SMARCA1: variants seen among roughly 807,000 people sequenced by gnomAD.
The protein encoded by SMARCA1 is SWI/SNF-related matrix-associated actin-dependent regulator of chromatin subfamily A member 1.
In SMARCA1, 17 loss-of-function variants were observed where a neutral mutation model predicts 93.6. The observed-to-expected ratio is 0.18, with a 90% CI of 0.12 to 0.27. The LOEUF is 0.27. Among genes scored for constraint, SMARCA1 ranks in the 10% least tolerant of loss-of-function variants. The pLI is 1.00. For missense variants in SMARCA1, 630 were observed against 819.0 expected, an observed-to-expected ratio of 0.77 and a Z score of 2.82; for synonymous variants, 271 against 271.4, an observed-to-expected ratio of 1.00 and a Z score of 0.01.
intron 15 of SMARCA1, 79 bp downstream of exon 15, chrX:129,489,981 T>A: frequency 1.3e-6 from 1 of 776,795 alleles, no homozygotes; most frequent in Non-Finnish European, 1.8e-6. Flanking sequence ...TGGTCAACTT[T>A]TATTAAAAGT....
intron 21 of SMARCA1, among the ~76,000 whole-genome samples, chrX:129,467,016 G>A (rs1388222749): frequency 1.8e-5 from 2 of 111,716 alleles, no homozygotes; most frequent in Non-Finnish European, 3.8e-5. Context: ...TTCATTTTTA[G>A]AGCCTATCAA....
At chrX:129,517,948 T>A (rs1479736429) in intron 2 of SMARCA1, among the ~76,000 whole-genome samples, 1 of 111,565 alleles carries the variant, frequency 9.0e-6, no homozygotes, top group Non-Finnish European at 1.9e-5. Flanking sequence ...TTTATTCATA[T>A]GTCCAAAGAA....
chrX:129,486,688 A>C (rs1451996933), intron 17 of SMARCA1, among the ~76,000 whole-genome samples: 3 of 110,854 alleles, frequency 2.7e-5, no homozygotes, highest in African/African-American at 9.9e-5. Context: ...ATTAGTGACA[A>C]GAGTTGAGAT....
chrX:129,487,669 T>G (rs1311524723), intron 16 of SMARCA1, among the ~76,000 whole-genome samples: 1 of 112,218 alleles, frequency 8.9e-6, no homozygotes, highest in Non-Finnish European at 1.9e-5. Flanking sequence ...AACCTAGTCT[T>G]TTCATCAAAT....
At chrX:129,515,854 T>A in intron 4 of SMARCA1, 40 bp downstream of exon 4, 1 of 1,160,518 alleles carries the variant, frequency 8.6e-7, no homozygotes, top group Non-Finnish European at 1.2e-6. Context: ...TTTCTAAAAC[T>A]AAATTGAAAA....
chrX:129,478,017 G>A (rs12850442), intron 19 of SMARCA1, among the ~76,000 whole-genome samples: 10,702 of 110,918 alleles, frequency 0.096, 501 homozygotes, highest in East Asian at 0.36. Flanking sequence ...CTTTGCATAT[G>A]AGGTGCCACC....
intron 20 of SMARCA1, among the ~76,000 whole-genome samples, chrX:129,469,560 G>C (rs941836810): frequency 9.0e-6 from 1 of 111,629 alleles, no homozygotes; most frequent in African/African-American, 3.3e-5. Flanking sequence ...TCCACTCCTC[G>C]AGCCCCAACT....
chrX:129,505,997 C>A, intron 8 of SMARCA1, 83 bp downstream of exon 8: 2 of 747,403 alleles, frequency 2.7e-6, no homozygotes, highest in Non-Finnish European at 3.8e-6. Flanking sequence ...TAAAAAGTAC[C>A]ATAAATTTCA....
rs911037597 is a variant in SMARCA1 at position 129,516,255 on chromosome X, G to A, written c.428+76C>T. The A allele has an allele frequency of 1.3e-5, 12 of 954,963 alleles. No homozygotes were observed. In the Admixed American group the frequency reaches 1.6e-4, roughly 13 times the overall value. The allele number at this position is 954,963 out of a possible 1,213,427, so 78.7% of individuals were successfully genotyped here. A position where few individuals can be genotyped will look rare whatever the true frequency, so the allele number is the denominator to read the frequency against. ...AACAATGAAGAGCGAAGGGGTGCAT[G>A]AAGGGATCAAGGGAGGACAGGAGGA... On this transcript the variant is annotated intron_variant, in intron 3 of 24. Coordinates refer to ENST00000371121, the MANE Select transcript of SMARCA1 (RefSeq NM_001282874.2).
intron 6 of SMARCA1, among the ~76,000 whole-genome samples, chrX:129,510,489 G>A (rs902903049): frequency 2.7e-5 from 3 of 111,895 alleles, no homozygotes; most frequent in Non-Finnish European, 3.8e-5. Context: ...GATCGCTTGA[G>A]CCCAGGAGTT....
At chrX:129,494,701 C>T (rs1934255681) in intron 12 of SMARCA1, among the ~76,000 whole-genome samples, 2 of 111,698 alleles carry the variant, frequency 1.8e-5, no homozygotes, top group Admixed American at 1.9e-4. Context: ...CCGTTTAAAA[C>T]TGTGCTCATA....
intron 1 of SMARCA1, among the ~76,000 whole-genome samples, chrX:129,519,639 T>C (rs999892436): frequency 8.9e-6 from 1 of 111,743 alleles, no homozygotes; most frequent in Non-Finnish European, 1.9e-5. Context: ...ATAATAACCA[T>C]CTTGATTTAC....
At chrX:129,498,974 A>G (rs1419783463) in intron 10 of SMARCA1, among the ~76,000 whole-genome samples, 1 of 111,482 alleles carries the variant, frequency 9.0e-6, no homozygotes, top group Admixed American at 9.5e-5. Flanking sequence ...TAATATCCAC[A>G]ATCACCAACA....
At chrX:129,463,203 G>T (rs1424369303) in intron 23 of SMARCA1, among the ~76,000 whole-genome samples, 1 of 111,578 alleles carries the variant, frequency 9.0e-6, no homozygotes, top group African/African-American at 3.3e-5. Flanking sequence ...ACAAATGCAG[G>T]TAGGCATTTG....
rs764171850 is a variant in SMARCA1, at chrX:129,499,817, G to A, written c.1192C>T (p.Arg398Cys). The A allele has an allele frequency of 4.3e-6, 5 of 1,150,649 alleles. No homozygotes were observed. Among genetic ancestry groups the A allele is most frequent in the Admixed American group, 4.5e-5 (2 of 44,441 alleles). 94.8% of individuals were successfully genotyped at this position (1,150,649 alleles called of 1,213,427 possible). A position where few individuals can be genotyped will look rare whatever the true frequency, so the allele number is the denominator to read the frequency against. Residue 398 changes from arginine (R) to cysteine (C), a missense_variant, in exon 10 of 25, where the codon CGT becomes TGT. By Grantham distance (180) the Arg-to-Cys change is radical. Coordinates refer to ENST00000371121, the MANE Select transcript of SMARCA1 (RefSeq NM_001282874.2). ...HAVLKPFLLR[R>C]IKTDVEKSLP... ...CTCTTCTCTACATCAGTTTTTATACGGCGTAACAAAAATGGTTTTAAAACC... is the reference window on the plus strand; with the variant it reads ...CTCTTCTCTACATCAGTTTTTATACAGCGTAACAAAAATGGTTTTAAAACC...
chrX:129,448,208 T>C, intron 24 of SMARCA1, 125 bp downstream of exon 24: 1 of 654,564 alleles, frequency 1.5e-6, no homozygotes, highest in South Asian at 2.9e-5. Flanking sequence ...CCAAAACAAA[T>C]TAGCATTTCA....
chrX:129,512,613 C>G (rs1165043796), intron 5 of SMARCA1, among the ~76,000 whole-genome samples: 1 of 111,831 alleles, frequency 8.9e-6, no homozygotes, highest in Admixed American at 9.6e-5. Context: ...AGAAAGGGAA[C>G]TAAGTCCTTT....
chrX:129,516,362 C>T lies in SMARCA1; in HGVS notation c.397G>A (p.Asp133Asn), dbSNP rs1421002841. ...GCAGAAATTAAGCTCTGCTTTTCAT[C>T]TTTCTTTATTCGGGGACGTCCCAAT... is the stretch of plus-strand genomic sequence containing the variant. ...MKLGRPRIKK[D>N]EKQSLISAGD... The change falls in exon 3 of 25, where the codon GAT becomes AAT. Residue 133 changes from aspartate to asparagine, a missense_variant. Coordinates refer to ENST00000371121, the MANE Select transcript of SMARCA1 (RefSeq NM_001282874.2). The T allele has an allele frequency of 5.0e-6, 6 of 1,209,975 alleles. No individual in the cohort carries two copies. The highest frequency in any genetic ancestry group is 2.2e-5 in the Admixed American group (1 of 45,874).
chrX:129,490,515 A>C (rs1439296460), intron 14 of SMARCA1, among the ~76,000 whole-genome samples: 1 of 112,274 alleles, frequency 8.9e-6, no homozygotes, highest in Admixed American at 9.4e-5. Flanking sequence ...GAAACTAGCA[A>C]GGAATTTTAT....
Sources: allele counts gnomAD v4.1 joint callset (sites outside exome capture counted in the v4.1 genomes callset), GRCh38; gene constraint gnomAD v4.1.1; transcripts MANE v1.5; gene names NCBI Gene and HGNC (gene_info 2026-07-23, HGNC 2026-07-21).